Variants in FAM217A observed in about 807,000 individuals in gnomAD.
The protein encoded by FAM217A is family with sequence similarity 217 member A.
A neutral mutation model predicts 18.5 loss-of-function variants in FAM217A; 13 were observed. That is an observed-to-expected ratio of 0.70 (90% confidence interval 0.46 to 1.12). The LOEUF is 1.12. Ranked by LOEUF, FAM217A falls within the 50% of genes most tolerant of loss-of-function variation. The pLI, the probability that FAM217A is intolerant of heterozygous loss-of-function variation, is 0.00. For missense variants in FAM217A, 560 were observed against 575.4 expected (o/e 0.97, Z 0.27); for synonymous variants, 161 against 202.8 (o/e 0.79, Z 1.75).
intron 2 of FAM217A, among the ~76,000 whole-genome samples, chr6:4,075,000 C>T (rs1164850790): frequency 6.6e-6 from 1 of 152,106 alleles, no homozygotes; most frequent in Non-Finnish European, 1.5e-5. Context: ...CACAATGGTG[C>T]ATTCATCAAA....
intron 1 of FAM217A, chr6:4,084,843 A>G: frequency 1.4e-6 from 1 of 699,554 alleles, no homozygotes; most frequent in South Asian, 1.5e-5. Flanking sequence ...GCATTTACCT[A>G]AAAGTCATGA....
At chr6:4,070,155 G>C (rs1023919496) in intron 6 of FAM217A, among the ~76,000 whole-genome samples, 2 of 152,180 alleles carry the variant, frequency 1.3e-5, no homozygotes, top group Non-Finnish European at 2.9e-5. Flanking sequence ...CTTTGTGCAA[G>C]CACAGGTGAC....
chr6:4,068,698 A>T lies in FAM217A; in HGVS notation c.1525T>A (p.Ter509LysextTer31). 1.9e-6 allele frequency: 3 copies of T among 1,589,636 alleles called. No homozygotes were observed. The highest frequency in any genetic ancestry group is 2.6e-6 in the Non-Finnish European group (3 of 1,171,134). ...TTGAGATGTATGAAAGAAAAGAGTTATTTTTGTTCAATGGGTGAGCAGCAC... is the reference window on the plus strand; with the variant it reads ...TTGAGATGTATGAAAGAAAAGAGTTTTTTTTGTTCAATGGGTGAGCAGCAC... ...DKCCSPIEQK[*>K] Residue 509 changes from the stop codon to lysine (K), a stop_lost, in exon 7 of 7, where the codon TAA becomes AAA. Coordinates refer to ENST00000274673, the MANE Select transcript of FAM217A (RefSeq NM_173563.3).
chr6:4,085,311 A>AAAAAATAT (rs377046907), intron 1 of FAM217A, among the ~76,000 whole-genome samples: 20 of 146,438 alleles, frequency 1.4e-4, no homozygotes, highest in African/African-American at 4.5e-4. Flanking sequence ...TGTAAAAAAA[A>AAAAAATAT]ATATATATAT....
At position 4,068,648 on chromosome 6, in the gene FAM217A, G is replaced by A. The variant is rs761534644; in HGVS notation, c.*48C>T. ...GAATAATTAACCATATCTTAGTTGG[G>A]CTTCTTAGAGTAGATGTGTTCACAT... On this transcript the variant is annotated 3_prime_UTR_variant, in exon 7 of 7. Coordinates refer to ENST00000274673, the MANE Select transcript of FAM217A (RefSeq NM_173563.3). The A allele has an allele frequency of 9.2e-6, 14 of 1,521,822 alleles. No individual in the cohort carries two copies. Among genetic ancestry groups the A allele is most frequent in the Non-Finnish European group, 1.2e-5 (14 of 1,139,382 alleles). The allele number at this position is 1,521,822 out of a possible 1,614,324, so 94.3% of individuals were successfully genotyped here. A position where few individuals can be genotyped will look rare whatever the true frequency, so the allele number is the denominator to read the frequency against.
chr6:4,076,265 G>A (rs909435299), intron 2 of FAM217A, among the ~76,000 whole-genome samples: 6 of 148,860 alleles, frequency 4.0e-5, no homozygotes, highest in Non-Finnish European at 7.4e-5. Context: ...AGACGCAGAA[G>A]TTGCAGTGAG....
chr6:4,073,374 AG>A, intron 5 of FAM217A, 32 bp from the exon 6 acceptor site: 1 of 1,591,336 alleles, frequency 6.3e-7, no homozygotes, highest in South Asian at 1.1e-5. Flanking sequence ...GTAATAGTTT[AG>A]TAGCTGCATA....
Position 4,068,694 on chromosome 6 carries a change from A to T in FAM217A, c.*2T>A, listed in dbSNP as rs1298655857. The stretch of plus-strand genomic sequence containing the variant: ...CACATTGAGATGTATGAAAGAAAAG[A>T]GTTATTTTTGTTCAATGGGTGAGCA... On this transcript the variant is annotated 3_prime_UTR_variant, in exon 7 of 7. Transcript: ENST00000274673. The T allele has an allele frequency of 1.3e-6, 2 of 1,587,910 alleles. No homozygotes were observed. Among genetic ancestry groups the T allele is most frequent in the Non-Finnish European group, 1.7e-6 (2 of 1,170,334 alleles).
At chr6:4,073,529 T>G in intron 4 of FAM217A, 22 bp from the exon 5 acceptor site, 1 of 1,574,618 alleles carries the variant, frequency 6.4e-7, no homozygotes, top group Non-Finnish European at 8.7e-7. Flanking sequence ...CAGAAGACTT[T>G]TAAACATAAT....
chr6:4,075,967 G>C (rs558816857), intron 2 of FAM217A, among the ~76,000 whole-genome samples: 1 of 152,212 alleles, frequency 6.6e-6, no homozygotes, highest in South Asian at 2.1e-4. Context: ...CTCTACATGA[G>C]AATCACCTGG....
At chr6:4,082,863 T>A (rs1450835825), upstream of FAM217A, among the ~76,000 whole-genome samples, 1 of 152,274 alleles carries the variant, frequency 6.6e-6, no homozygotes, top group African/African-American at 2.4e-5. Context: ...CTCTGCCTTT[T>A]GTACTTGAGT....
intron 2 of FAM217A, among the ~76,000 whole-genome samples, chr6:4,075,701 G>A (rs1581885597): frequency 6.6e-6 from 1 of 152,212 alleles, no homozygotes; most frequent in East Asian, 1.9e-4. Flanking sequence ...TCTCAAAAAA[G>A]CATTGTAAAT....
intron 2 of FAM217A, among the ~76,000 whole-genome samples, chr6:4,076,863 G>A (rs1016426165): frequency 6.6e-6 from 1 of 152,154 alleles, no homozygotes. Flanking sequence ...GGAAGACTAA[G>A]TCTCGTCTCC....
intron 1 of FAM217A, among the ~76,000 whole-genome samples, chr6:4,085,151 T>C (rs897527119): frequency 1.3e-5 from 2 of 152,198 alleles, no homozygotes; most frequent in African/African-American, 4.8e-5. Context: ...TGAGACCTGG[T>C]TGGCTCAGAT....
In FAM217A at chr6:4,069,439, G is replaced by T; in HGVS notation, c.784C>A (p.His262Asn). Residue 262 changes from histidine (H) to asparagine (N), a missense_variant, in exon 7 of 7, where the codon CAC becomes AAC. By Grantham distance (68) the His-to-Asn change is moderately conservative. Coordinates refer to ENST00000274673, the MANE Select transcript of FAM217A (RefSeq NM_173563.3). Reference sequence around the variant, plus strand: ...TCAGATTTGGAGAGGGCTAAATTGTGCAAGTCTAGAGCACTGAAAGGAGGA... The same window carrying T: ...TCAGATTTGGAGAGGGCTAAATTGTTCAAGTCTAGAGCACTGAAAGGAGGA... The part of the protein sequence containing the change: ...LPPPFSALDL[H>N]NLALSKSDNW... 6.2e-7 allele frequency: 1 copy of T among 1,614,152 alleles called. No homozygotes were observed. Among genetic ancestry groups the T allele is most frequent in the Non-Finnish European group, 8.5e-7 (1 of 1,180,026 alleles).
chr6:4,073,587 T>A lies in FAM217A; in HGVS notation c.160-80A>T, dbSNP rs1044773997. 6 of 1,144,080 alleles carry A rather than the reference T, an allele frequency of 5.2e-6. No homozygotes were observed. In the African/African-American group the frequency reaches 7.8e-5, roughly 15 times the overall value. 70.9% of individuals were successfully genotyped at this position (1,144,080 alleles called of 1,614,324 possible). A position where few individuals can be genotyped will look rare whatever the true frequency, so the allele number is the denominator to read the frequency against. On this transcript the variant is annotated intron_variant, in intron 4 of 6. Coordinates refer to ENST00000274673, the MANE Select transcript of FAM217A (RefSeq NM_173563.3). Reference sequence around the variant, plus strand: ...TTCTAACAATGTATAGTTCTTGTTCTAATCAAGGAATGTATGGTAAAACTG... The same window carrying A: ...TTCTAACAATGTATAGTTCTTGTTCAAATCAAGGAATGTATGGTAAAACTG...
At chr6:4,084,962 C>T (rs149031668) in intron 1 of FAM217A, among the ~76,000 whole-genome samples, 10 of 152,216 alleles carry the variant, frequency 6.6e-5, no homozygotes, top group East Asian at 1.9e-4. Flanking sequence ...GGCTGCTGCC[C>T]GGCATAGCAG....
upstream of FAM217A, among the ~76,000 whole-genome samples, chr6:4,082,709 T>G (rs1770379532): frequency 6.6e-6 from 1 of 152,234 alleles, no homozygotes; most frequent in African/African-American, 2.4e-5. Context: ...TTTTTTGTCC[T>G]ATCGTATTTC....
At chr6:4,070,044 A>G (rs1030683362) in intron 6 of FAM217A, 124 bp from the exon 7 acceptor site, 16 of 644,004 alleles carry the variant, frequency 2.5e-5, no homozygotes, top group African/African-American at 3.7e-5. Flanking sequence ...GCATATGTGT[A>G]TCTAGCTACC....
Sources: gnomAD v4.1 joint callset for allele counts (sites outside exome capture counted in the v4.1 genomes callset) on GRCh38, gnomAD v4.1.1 for gene constraint, MANE v1.5 for transcripts, NCBI Gene and HGNC (gene_info 2026-07-23, HGNC 2026-07-21) for gene names.